Variants in ZNF521 observed in about 807,000 individuals in gnomAD.
ZNF521 encodes the protein zinc finger protein 521.
A neutral mutation model predicts 105.5 loss-of-function variants in ZNF521; 14 were observed. The ratio of observed to expected loss-of-function variants is 0.13; its 90% confidence interval spans 0.09 to 0.21. The LOEUF (loss-of-function observed/expected upper bound fraction) is 0.21, where lower values mean the gene tolerates loss of function less well. Ranked by LOEUF, ZNF521 falls within the 10% of genes least tolerant of loss-of-function variation. ZNF521 has a pLI of 1.00. For missense variants in ZNF521, 1,233 were observed against 1,629.7 expected, an observed-to-expected ratio of 0.76 and a Z score of 4.19; for synonymous variants, 635 against 606.0, an observed-to-expected ratio of 1.05 and a Z score of -0.70.
chr18:25,119,897 A>G (rs905753754), intron 5 of ZNF521, among the ~76,000 whole-genome samples: 1 of 152,176 alleles, frequency 6.6e-6, no homozygotes, highest in Non-Finnish European at 1.5e-5. Context: ...TGATCATTTG[A>G]AAACATCTGC....
chr18:25,204,875 CTGTT>C (rs1031650610), intron 4 of ZNF521, among the ~76,000 whole-genome samples: 1 of 152,114 alleles, frequency 6.6e-6, no homozygotes, highest in South Asian at 2.1e-4. Flanking sequence ...GTTTCAGTTG[CTGTT>C]TATTTCTATG....
At chr18:25,160,054 T>A (rs556330037) in intron 5 of ZNF521, among the ~76,000 whole-genome samples, 1 of 152,280 alleles carries the variant, frequency 6.6e-6, no homozygotes, top group Non-Finnish European at 1.5e-5. Flanking sequence ...GATGAGGGTA[T>A]GCAAAGGCAC....
chr18:25,300,194 C>A (rs1911557931), intron 3 of ZNF521, among the ~76,000 whole-genome samples: 1 of 152,166 alleles, frequency 6.6e-6, no homozygotes, highest in African/African-American at 2.4e-5. Context: ...GTCTGAGCTC[C>A]CAAGTGCAGC....
intron 7 of ZNF521, among the ~76,000 whole-genome samples, chr18:25,065,441 G>T (rs1468243669): frequency 6.6e-6 from 1 of 152,122 alleles, no homozygotes; most frequent in East Asian, 1.9e-4. Flanking sequence ...AGGTATATAA[G>T]AAATATAAAT....
chr18:25,067,611 TG>T (rs1206853539), intron 7 of ZNF521, among the ~76,000 whole-genome samples: 2 of 152,254 alleles, frequency 1.3e-5, no homozygotes, highest in Admixed American at 6.5e-5. Flanking sequence ...CATGATCCTT[TG>T]AAACTGTTCA....
intron 3 of ZNF521, among the ~76,000 whole-genome samples, chr18:25,304,004 T>A (rs1911823206): frequency 6.6e-6 from 1 of 152,216 alleles, no homozygotes; most frequent in Admixed American, 6.5e-5. Context: ...TTAACAATTG[T>A]CAATCACCAT....
At chr18:25,274,289 T>C (rs1279347363) in intron 3 of ZNF521, among the ~76,000 whole-genome samples, 1 of 152,186 alleles carries the variant, frequency 6.6e-6, no homozygotes, top group Non-Finnish European at 1.5e-5. Flanking sequence ...TGATTTCAGC[T>C]GGGTTTAAGG....
At chr18:25,304,997 C>T (rs553988424) in intron 3 of ZNF521, among the ~76,000 whole-genome samples, 1 of 152,292 alleles carries the variant, frequency 6.6e-6, no homozygotes, top group African/African-American at 2.4e-5. Flanking sequence ...AACACACTAA[C>T]ACATATACTA....
chr18:25,140,842 G>A (rs1312540547), intron 5 of ZNF521, among the ~76,000 whole-genome samples: 1 of 152,130 alleles, frequency 6.6e-6, no homozygotes, highest in African/African-American at 2.4e-5. Context: ...CAGAATAATC[G>A]CTGATGCAAA....
chr18:25,143,096 C>G (rs985354511), intron 5 of ZNF521, among the ~76,000 whole-genome samples: 1 of 152,118 alleles, frequency 6.6e-6, no homozygotes, highest in Non-Finnish European at 1.5e-5. Flanking sequence ...TGATGCTCCG[C>G]AAAACTTTGA....
At chr18:25,304,612 C>T (rs1056342860) in intron 3 of ZNF521, among the ~76,000 whole-genome samples, 3 of 152,080 alleles carry the variant, frequency 2.0e-5, no homozygotes, top group Non-Finnish European at 2.9e-5. Flanking sequence ...GGTCTTTTTA[C>T]CCATCTGCAA....
In ZNF521 at chr18:25,149,516, C is replaced by T. The variant is rs998878369; in HGVS notation, c.3658+45644G>A. On this transcript the variant is annotated intron_variant, in intron 5 of 7. Transcript: ENST00000361524. ...GCCCATATTTTATGGCTAATAGAGACCTTTATATTGGCTCATGTTTAAACC... is the reference window on the plus strand; with the variant it reads ...GCCCATATTTTATGGCTAATAGAGATCTTTATATTGGCTCATGTTTAAACC... Among the ~76,000 whole-genome samples the T allele has an allele frequency of 7.2e-5, 11 of 152,126 alleles. 1 individual carries two copies. Among genetic ancestry groups the T allele is most frequent in the African/African-American group, 2.4e-4 (10 of 41,490 alleles).
At chr18:25,334,672 C>CA (rs1234686983) in intron 2 of ZNF521, among the ~76,000 whole-genome samples, 10 of 152,148 alleles carry the variant, frequency 6.6e-5, no homozygotes, top group Non-Finnish European at 1.5e-4. Context: ...AAAGTTCACA[C>CA]AATTCCTCTT....
At chr18:25,068,300 T>C (rs780683972) in intron 7 of ZNF521, among the ~76,000 whole-genome samples, 16 of 152,216 alleles carry the variant, frequency 1.1e-4, no homozygotes, top group Non-Finnish European at 1.9e-4. Context: ...CAAACATCCG[T>C]AATCAATCAT....
At chr18:25,128,709 TC>T (rs1415379197) in intron 5 of ZNF521, among the ~76,000 whole-genome samples, 1 of 151,954 alleles carries the variant, frequency 6.6e-6, no homozygotes, top group Non-Finnish European at 1.5e-5. Flanking sequence ...CATATTAATT[TC>T]AAAAAATTTA....
chr18:25,237,330 T>G (rs1234312342), intron 3 of ZNF521, among the ~76,000 whole-genome samples: 1 of 152,194 alleles, frequency 6.6e-6, no homozygotes, highest in Non-Finnish European at 1.5e-5. Flanking sequence ...GGACTAAATA[T>G]CTGTACAATC....
intron 7 of ZNF521, among the ~76,000 whole-genome samples, chr18:25,064,059 C>T (rs980853721): frequency 6.6e-5 from 10 of 152,212 alleles, no homozygotes; most frequent in South Asian, 2.1e-4. Flanking sequence ...CTATTGAAAA[C>T]GCACATCAGC....
At chr18:25,065,222 T>A (rs1473247404) in intron 7 of ZNF521, among the ~76,000 whole-genome samples, 1 of 152,242 alleles carries the variant, frequency 6.6e-6, no homozygotes, top group African/African-American at 2.4e-5. Context: ...TACAAGAAGA[T>A]ACGATAATAC....
intron 2 of ZNF521, among the ~76,000 whole-genome samples, chr18:25,345,818 T>C (rs1412538381): frequency 6.6e-6 from 1 of 152,208 alleles, no homozygotes; most frequent in South Asian, 2.1e-4. Flanking sequence ...GATAGATAAA[T>C]AGAAGAACAT....
Sources: allele counts gnomAD v4.1 joint callset (sites outside exome capture counted in the v4.1 genomes callset), GRCh38; gene constraint gnomAD v4.1.1; transcripts MANE v1.5; gene names NCBI Gene and HGNC (gene_info 2026-07-23, HGNC 2026-07-21).